KAZN: variants seen among roughly 807,000 people sequenced by gnomAD.
The protein encoded by KAZN is kazrin.
Under a neutral mutation model 87.4 loss-of-function variants are expected in KAZN, and 40 were observed. That is an observed-to-expected ratio of 0.46 (90% confidence interval 0.36 to 0.60). KAZN has a LOEUF of 0.60. Ranked by LOEUF, KAZN falls within the 20% of genes least tolerant of loss-of-function variation. KAZN has a pLI of 0.00. For synonymous variants in KAZN, 466 were observed against 458.3 expected (o/e 1.02, Z -0.22); for missense variants, 898 against 1,073.9 (o/e 0.84, Z 2.29).
In KAZN at chr1:14,070,167, C is replaced by CAAAAAAAAAAAA. The variant is rs61327562; in HGVS notation, c.92-110266_92-110255dup. On this transcript the variant is annotated intron_variant, in intron 1 of 16. Coordinates refer to the KAZN transcript ENST00000636203. ...TTGGCGACAGTGCGAGACTCCATCT[C>CAAAAAAAAAAAA]AAAAAAAAAAAAAGTAAATAAATAA... Among the ~76,000 whole-genome samples the CAAAAAAAAAAAA allele has an allele frequency of 7.1e-4, 52 of 72,892 alleles. 1 individual carries two copies. The highest frequency in any genetic ancestry group is 2.4e-3 in the African/African-American group (40 of 16,842). 47.8% of individuals were successfully genotyped at this position (72,892 alleles called of 152,430 possible).
At chr1:13,894,735 C>G (rs558497080) in intron 1 of KAZN, among the ~76,000 whole-genome samples, 3 of 152,302 alleles carry the variant, frequency 2.0e-5, no homozygotes, top group African/African-American at 4.8e-5. Context: ...CTGCACCCCC[C>G]TTCCTGGGGT....
At chr1:14,105,155 G>A (rs1419717200) in intron 1 of KAZN, among the ~76,000 whole-genome samples, 1 of 152,198 alleles carries the variant, frequency 6.6e-6, no homozygotes, top group African/African-American at 2.4e-5. Flanking sequence ...GGGAGGGTCA[G>A]CCCAGCAAGA....
At chr1:15,027,576 T>G (rs1216840242) in intron 2 of KAZN, among the ~76,000 whole-genome samples, 2 of 152,214 alleles carry the variant, frequency 1.3e-5, no homozygotes, top group African/African-American at 2.4e-5. Flanking sequence ...CCAGATTGGT[T>G]TGCCAGGCTT....
At chr1:14,320,168 A>G (rs1486286790) in intron 2 of KAZN, among the ~76,000 whole-genome samples, 1 of 152,124 alleles carries the variant, frequency 6.6e-6, no homozygotes, top group Non-Finnish European at 1.5e-5. Context: ...ACCCACACCC[A>G]TGTGTCTTAA....
chr1:13,961,300 C>T (rs1024802109), intron 1 of KAZN, among the ~76,000 whole-genome samples: 1 of 152,226 alleles, frequency 6.6e-6, no homozygotes, highest in Non-Finnish European at 1.5e-5. Context: ...GACAGACAGA[C>T]ACACGTATAC....
Position 15,077,601 on chromosome 1 carries a change from G to A in KAZN, c.1222+11848G>A, listed in dbSNP as rs1449864480. 6.6e-6 allele frequency among the ~76,000 whole-genome samples: 1 copy of A among 152,200 alleles called. No homozygotes were observed. Among genetic ancestry groups the A allele is most frequent in the Non-Finnish European group, 1.5e-5 (1 of 68,038 alleles). ...GACCAGGTCAGCTGCTTGCAGCCACGTGACTCAGTTGTTTTTTATAGTCAC... is the reference window on the plus strand; with the variant it reads ...GACCAGGTCAGCTGCTTGCAGCCACATGACTCAGTTGTTTTTTATAGTCAC... On this transcript the variant is annotated intron_variant, in intron 8 of 14. Transcript: ENST00000376030. This position sits in a 1 kb window ranked among gnomAD's most constrained non-coding sequence, Gnocchi z 4.8.
chr1:14,173,046 C>T (rs897421821), intron 1 of KAZN, among the ~76,000 whole-genome samples: 1 of 152,178 alleles, frequency 6.6e-6, no homozygotes, highest in Non-Finnish European at 1.5e-5. Context: ...CAGGGCACCA[C>T]TTCTGCCACT....
At chr1:14,750,320 G>T (rs75421892) in intron 1 of KAZN, among the ~76,000 whole-genome samples, 5,173 of 152,248 alleles carry the variant, frequency 0.034, 288 homozygotes, top group African/African-American at 0.12. Context: ...TATCAATAAA[G>T]GAGAGCAGCC....
chr1:14,828,416 T>C (rs1479560279), intron 1 of KAZN, among the ~76,000 whole-genome samples: 2 of 152,186 alleles, frequency 1.3e-5, no homozygotes. Context: ...ATTACAGCTA[T>C]TATCGATCAA....
chr1:14,546,018 A>C (rs1673119360), intron 2 of KAZN, among the ~76,000 whole-genome samples: 1 of 152,152 alleles, frequency 6.6e-6, no homozygotes, highest in African/African-American at 2.4e-5. Context: ...ACTGACCACC[A>C]CCAGAGCTAC....
At chr1:13,926,826 C>T (rs1640298860) in intron 1 of KAZN, among the ~76,000 whole-genome samples, 1 of 152,034 alleles carries the variant, frequency 6.6e-6, no homozygotes, top group African/African-American at 2.4e-5. Context: ...TGCTATTTTT[C>T]CAAGTTAGGG....
chr1:14,191,660 C>A (rs564700619), intron 2 of KAZN, among the ~76,000 whole-genome samples: 13 of 152,088 alleles, frequency 8.5e-5, no homozygotes, highest in African/African-American at 2.9e-4. Flanking sequence ...ATCAGCAAAC[C>A]CTCTAATTTA....
chr1:14,771,005 T>C (rs975393752), intron 1 of KAZN, among the ~76,000 whole-genome samples: 1 of 152,152 alleles, frequency 6.6e-6, no homozygotes, highest in Admixed American at 6.6e-5. Context: ...GAGCTCACGA[T>C]GACTGGATCT....
At chr1:14,118,735 T>A (rs755496015) in intron 1 of KAZN, among the ~76,000 whole-genome samples, 5 of 152,200 alleles carry the variant, frequency 3.3e-5, no homozygotes, top group Non-Finnish European at 7.3e-5. Flanking sequence ...GGTTGAATCT[T>A]CCCATTTTAC....
At chr1:14,888,339 C>T (rs1027601491) in intron 1 of KAZN, among the ~76,000 whole-genome samples, 3 of 152,166 alleles carry the variant, frequency 2.0e-5, no homozygotes, top group Non-Finnish European at 4.4e-5. Flanking sequence ...CCCACTCCTT[C>T]CAGGGTCGTC....
intron 2 of KAZN, among the ~76,000 whole-genome samples, chr1:14,326,734 A>G (rs1656453705): frequency 6.6e-6 from 1 of 152,060 alleles, no homozygotes; most frequent in African/African-American, 2.4e-5. Context: ...AATCTTGGTA[A>G]TCACTCTGCC....
intron 2 of KAZN, among the ~76,000 whole-genome samples, chr1:14,566,769 C>G (rs1363929853): frequency 1.3e-5 from 2 of 152,204 alleles, no homozygotes; most frequent in Non-Finnish European, 2.9e-5. Context: ...ATCTCATGAA[C>G]AAACTTCTAC....
chr1:14,210,190 T>G (rs1467989179), intron 2 of KAZN, among the ~76,000 whole-genome samples: 1 of 152,192 alleles, frequency 6.6e-6, no homozygotes, highest in Non-Finnish European at 1.5e-5. Flanking sequence ...GGGTGGGTTT[T>G]TCCCATGCTG....
chr1:14,431,034 G>T (rs185921001), intron 2 of KAZN, among the ~76,000 whole-genome samples: 1 of 152,146 alleles, frequency 6.6e-6, no homozygotes, highest in African/African-American at 2.4e-5. Flanking sequence ...AAGTTATCAT[G>T]GTTTGTAATT....
Sources: gnomAD v4.1 joint callset for allele counts (sites outside exome capture counted in the v4.1 genomes callset) on GRCh38, gnomAD v4.1.1 for gene constraint, Gnocchi (gnomAD v3.1) non-coding constraint, MANE v1.5 for transcripts, NCBI Gene and HGNC (gene_info 2026-07-23, HGNC 2026-07-21) for gene names.